KCNIP1: variants seen among roughly 807,000 people sequenced by gnomAD.
KCNIP1 encodes A-type potassium channel modulatory protein KCNIP1.
Under a neutral mutation model 33.0 loss-of-function variants are expected in KCNIP1, and 18 were observed. The ratio of observed to expected loss-of-function variants is 0.55; its 90% confidence interval spans 0.38 to 0.81. The LOEUF is 0.81. Among genes scored for constraint, KCNIP1 ranks in the 30% least tolerant of loss-of-function variants. KCNIP1 has a pLI of 0.00. For missense variants in KCNIP1, 238 were observed against 271.6 expected, an observed-to-expected ratio of 0.88 and a Z score of 0.87; for synonymous variants, 93 against 98.3, an observed-to-expected ratio of 0.95 and a Z score of 0.32.
chr5:170,599,982 A>T lies in KCNIP1; in HGVS notation c.61+95349A>T, dbSNP rs549651528. 2.0e-5 allele frequency among the ~76,000 whole-genome samples: 3 copies of T among 152,314 alleles called. No individual in the cohort carries two copies. In the South Asian group the frequency reaches 6.2e-4, roughly 32 times the overall value. On this transcript the variant is annotated intron_variant, in intron 1 of 7. Coordinates refer to ENST00000328939, the MANE Select transcript of KCNIP1 (RefSeq NM_014592.4). ...GCCCAAGGTCCTCATCAATCCTAAG[A>T]TGACATTTATTGAGAGCACATGATG...
chr5:170,434,998 C>T (rs150451611), intron 1 of KCNIP1, among the ~76,000 whole-genome samples: 1 of 152,332 alleles, frequency 6.6e-6, no homozygotes, highest in East Asian at 1.9e-4. Flanking sequence ...GAACGCCCAG[C>T]TCTCAGTCAG....
At chr5:170,496,748 T>C (rs1757317904) in intron 1 of KCNIP1, among the ~76,000 whole-genome samples, 1 of 152,132 alleles carries the variant, frequency 6.6e-6, no homozygotes, top group East Asian at 1.9e-4. Context: ...ACTGCCCCCG[T>C]CATTTCAGTC....
chr5:170,505,746 G>T (rs1754693244), intron 1 of KCNIP1, among the ~76,000 whole-genome samples: 1 of 152,188 alleles, frequency 6.6e-6, no homozygotes, highest in Non-Finnish European at 1.5e-5. Flanking sequence ...CTGGAAGAAG[G>T]GGTCCCAGCT....
chr5:170,593,212 C>G (rs913727660), intron 1 of KCNIP1, among the ~76,000 whole-genome samples: 2 of 152,310 alleles, frequency 1.3e-5, no homozygotes, highest in South Asian at 4.2e-4. Flanking sequence ...GTGGCCTGAT[C>G]CACAGGTGGG....
At chr5:170,688,117 G>T (rs1433952977) in intron 1 of KCNIP1, among the ~76,000 whole-genome samples, 2 of 152,158 alleles carry the variant, frequency 1.3e-5, no homozygotes, top group Non-Finnish European at 2.9e-5. Context: ...AGTCCTCATG[G>T]CTACCAGGTG....
At chr5:170,602,079 C>A (rs1269458624) in intron 1 of KCNIP1, among the ~76,000 whole-genome samples, 6 of 152,228 alleles carry the variant, frequency 3.9e-5, no homozygotes, top group Non-Finnish European at 8.8e-5. Context: ...GCCATCACCC[C>A]ACAGCACATG....
intron 1 of KCNIP1, among the ~76,000 whole-genome samples, chr5:170,589,055 G>T (rs1758106451): frequency 6.9e-6 from 1 of 144,294 alleles, no homozygotes; most frequent in African/African-American, 2.6e-5. Flanking sequence ...CTGGAGTGCA[G>T]TGGCGCGATC....
At chr5:170,481,095 C>A (rs1756968515) in intron 1 of KCNIP1, among the ~76,000 whole-genome samples, 1 of 152,164 alleles carries the variant, frequency 6.6e-6, no homozygotes, top group African/African-American at 2.4e-5. Flanking sequence ...TCACAGACTC[C>A]ATGTGTTTTA....
In KCNIP1 at chr5:170,727,402, T is replaced by C. The variant is rs771398355; in HGVS notation, c.435+4582T>C. Among the ~76,000 whole-genome samples the C allele has an allele frequency of 6.6e-4, 101 of 152,324 alleles. 2 individuals carry two copies. Among genetic ancestry groups the C allele is most frequent in the Admixed American group, 4.6e-4 (7 of 15,292 alleles). On this transcript the variant is annotated intron_variant, in intron 5 of 7. Transcript: ENST00000328939. ...GTGGAGGTTACATGGGTGGATACAT[T>C]TGTCAACATTCATCAAACAGTACAC...
intron 1 of KCNIP1, among the ~76,000 whole-genome samples, chr5:170,534,025 A>G (rs528812259): frequency 1.3e-5 from 2 of 152,226 alleles, no homozygotes; most frequent in Admixed American, 6.5e-5. Context: ...GTCTGTCCCC[A>G]TAGAGGTGAT....
At chr5:170,615,550 TG>T (rs1295405431) in intron 1 of KCNIP1, among the ~76,000 whole-genome samples, 2 of 152,130 alleles carry the variant, frequency 1.3e-5, no homozygotes, top group African/African-American at 2.4e-5. Flanking sequence ...ATCCCGATCT[TG>T]CTAGTTCCTT....
intron 1 of KCNIP1, among the ~76,000 whole-genome samples, chr5:170,456,819 A>G (rs932283018): frequency 4.0e-5 from 6 of 151,836 alleles, no homozygotes; most frequent in African/African-American, 1.5e-4. Flanking sequence ...CCTGGACTTA[A>G]GTGATCCTCC....
intron 1 of KCNIP1, among the ~76,000 whole-genome samples, chr5:170,551,314 G>A (rs780541067): frequency 3.3e-5 from 5 of 152,118 alleles, no homozygotes; most frequent in African/African-American, 4.8e-5. Context: ...CTAAGATTAC[G>A]TTATTATCTG....
At chr5:170,420,141 A>G (rs1392833319) in intron 1 of KCNIP1, among the ~76,000 whole-genome samples, 1 of 152,182 alleles carries the variant, frequency 6.6e-6, no homozygotes, top group African/African-American at 2.4e-5. Context: ...ATTTAACCCA[A>G]TACAGTTGAG....
At chr5:170,598,332 A>G (rs1758538009) in intron 1 of KCNIP1, among the ~76,000 whole-genome samples, 1 of 152,106 alleles carries the variant, frequency 6.6e-6, no homozygotes, top group South Asian at 2.1e-4. Flanking sequence ...AGGAACCAGG[A>G]AAGGAGGTGG....
intron 1 of KCNIP1, among the ~76,000 whole-genome samples, chr5:170,457,322 C>A (rs1305492661): frequency 6.6e-6 from 1 of 152,210 alleles, no homozygotes; most frequent in East Asian, 1.9e-4. Context: ...GGGGCCACCA[C>A]CACCACCACC....
At chr5:170,488,495 G>A (rs1307535151) in intron 1 of KCNIP1, among the ~76,000 whole-genome samples, 1 of 152,214 alleles carries the variant, frequency 6.6e-6, no homozygotes, top group East Asian at 1.9e-4. Flanking sequence ...GTAACATACG[G>A]TTAAGCATCA....
chr5:170,625,577 C>T (rs900111934), intron 1 of KCNIP1, among the ~76,000 whole-genome samples: 1 of 152,222 alleles, frequency 6.6e-6, no homozygotes, highest in South Asian at 2.1e-4. Flanking sequence ...TTGGAAATTT[C>T]TAGCTTTCAC....
At chr5:170,594,384 T>A (rs977920722) in intron 1 of KCNIP1, among the ~76,000 whole-genome samples, 5 of 152,080 alleles carry the variant, frequency 3.3e-5, no homozygotes, top group Admixed American at 6.5e-5. Flanking sequence ...TTTGACTCTT[T>A]CCCCACCAGA....
Sources: gnomAD v4.1 joint callset for allele counts (sites outside exome capture counted in the v4.1 genomes callset) on GRCh38, gnomAD v4.1.1 for gene constraint, MANE v1.5 for transcripts, NCBI Gene and HGNC (gene_info 2026-07-23, HGNC 2026-07-21) for gene names.